MORF4L2: variants seen among roughly 807,000 people sequenced by gnomAD.
MORF4L2 encodes the protein mortality factor 4 like 2.
A neutral mutation model predicts 12.0 loss-of-function variants in MORF4L2; 1 was observed. The observed-to-expected ratio is 0.08, with a 90% CI of 0.03 to 0.40. The LOEUF (loss-of-function observed/expected upper bound fraction) is 0.40, where lower values mean the gene tolerates loss of function less well. MORF4L2 is among the 10% of genes least tolerant of loss of function. The pLI is 0.98. For synonymous variants in MORF4L2, 69 were observed against 81.6 expected (o/e 0.85, Z 0.83); for missense variants, 123 against 214.0 (o/e 0.57, Z 2.65).
At chrX:103,679,443 C>T (rs894911731) in intron 2 of MORF4L2, among the ~76,000 whole-genome samples, 2 of 108,172 alleles carry the variant, frequency 1.8e-5, no homozygotes, top group Admixed American at 2.0e-4. Context: ...CGCTTGAACC[C>T]GAGAGGCAGA....
intron 2 of MORF4L2, among the ~76,000 whole-genome samples, chrX:103,683,825 T>C (rs1003009945): frequency 1.8e-5 from 2 of 110,857 alleles, no homozygotes; most frequent in Non-Finnish European, 3.8e-5. Context: ...GGCTTTTTTT[T>C]CTCTATTTCT....
At chrX:103,687,316 G>A (rs1776315495), upstream of MORF4L2, 1 of 112,322 alleles carries the variant, frequency 8.9e-6, no homozygotes, top group African/African-American at 3.2e-5. Flanking sequence ...CGCAGTGGGG[G>A]TTCTGCTGTG....
At chrX:103,680,583 AC>A in intron 2 of MORF4L2, among the ~76,000 whole-genome samples, 1 of 112,602 alleles carries the variant, frequency 8.9e-6, no homozygotes, top group Non-Finnish European at 1.9e-5. Flanking sequence ...GTATCTGAAG[AC>A]TTCAGAGAAT....
chrX:103,685,676 T>TA (rs1191656739), intron 1 of MORF4L2, among the ~76,000 whole-genome samples: 1 of 107,306 alleles, frequency 9.3e-6, no homozygotes, highest in East Asian at 2.9e-4. Flanking sequence ...ATAGAAAAAT[T>TA]TAAACGTATA....
At chrX:103,686,301 T>TAA (rs2074106687) in intron 1 of MORF4L2, among the ~76,000 whole-genome samples, 1 of 111,918 alleles carries the variant, frequency 8.9e-6, no homozygotes, top group Non-Finnish European at 1.9e-5. Flanking sequence ...AATTAGCGAA[T>TAA]TTATATAATT....
chrX:103,676,688 C>A lies in MORF4L2; in HGVS notation c.340G>T (p.Ala114Ser). 7 of 1,209,311 alleles carry A rather than the reference C, an allele frequency of 5.8e-6. No individual in the cohort carries two copies. Among genetic ancestry groups the A allele is most frequent in the Non-Finnish European group, 7.8e-6 (7 of 895,037 alleles). Residue 114 changes from alanine to serine, a missense_variant, in exon 4 of 4, where the codon GCG (alanine) becomes TCG (serine). Physicochemically the swap from Ala to Ser is moderately conservative, Grantham distance 99 (BLOSUM62 1). Coordinates refer to ENST00000441076, the MANE Select transcript of MORF4L2 (RefSeq NM_012286.3). ...TTAACCTCCATTCTATTCTTAAACG[C>A]CTCCTCACTTTCAACAGTGGGGTCT... ...RADPTVESEE[A>S]FKNRMEVKVK...
chrX:103,676,488 A>G lies in MORF4L2; in HGVS notation c.540T>C (p.Asn180=), dbSNP rs1399351038. The change falls in exon 4 of 4, where the codon AAT becomes AAC. Residue 180 remains asparagine (N), a synonymous_variant. Coordinates refer to ENST00000441076, the MANE Select transcript of MORF4L2 (RefSeq NM_012286.3). ...GNVDNKEYAV[N]EVVAGIKEYF... ...ATTCTTTTATTCCTGCCACAACTTCATTAACCGCATATTCCTTATTATCAA... is the reference window on the plus strand; with the variant it reads ...ATTCTTTTATTCCTGCCACAACTTCGTTAACCGCATATTCCTTATTATCAA... The G allele has an allele frequency of 8.3e-7, 1 of 1,209,165 alleles. No homozygotes were observed. Among genetic ancestry groups the G allele is most frequent in the Non-Finnish European group, 1.1e-6 (1 of 894,973 alleles).
rs1473755879 is a variant in MORF4L2 at position 103,675,740 on chromosome X, C to T, written c.*421G>A. On this transcript the variant is annotated 3_prime_UTR_variant, in exon 4 of 4. Coordinates refer to ENST00000441076, the MANE Select transcript of MORF4L2 (RefSeq NM_012286.3). ...AGGATGGGCTGTTTTACTTCAAGCA[C>T]CATAAAAAAAAAAAAAGAGCACAAA... 1 of 42,902 alleles carries T rather than the reference C, an allele frequency of 2.3e-5. No homozygotes were observed. The highest frequency in any genetic ancestry group is 2.1e-4 in the African/African-American group (1 of 4,804). 3.5% of individuals were successfully genotyped at this position (42,902 alleles called of 1,213,427 possible). A position where few individuals can be genotyped will look rare whatever the true frequency, so the allele number is the denominator to read the frequency against.
intron 2 of MORF4L2, among the ~76,000 whole-genome samples, chrX:103,682,314 A>T (rs747427610): frequency 8.9e-6 from 1 of 112,206 alleles, no homozygotes; most frequent in South Asian, 3.7e-4. Flanking sequence ...AATGCACATC[A>T]GTGTATACAA....
chrX:103,687,178 T>C (rs1399418816), upstream of MORF4L2: 5 of 106,843 alleles, frequency 4.7e-5, no homozygotes, highest in African/African-American at 1.7e-4. Context: ...AGGAAGTGTC[T>C]ACGTGGCCTG....
intron 2 of MORF4L2, among the ~76,000 whole-genome samples, chrX:103,683,739 T>C (rs2074038997): frequency 8.9e-6 from 1 of 111,916 alleles, no homozygotes; most frequent in South Asian, 3.7e-4. Context: ...GACATATCAT[T>C]CAGACTGGGC....
upstream of MORF4L2, chrX:103,686,844 AG>A (rs1212068356): frequency 1.8e-5 from 2 of 112,095 alleles, no homozygotes; most frequent in Non-Finnish European, 3.8e-5. Context: ...CCCCCACGTC[AG>A]CAATGACACT....
At chrX:103,679,268 G>T (rs369948498) in intron 2 of MORF4L2, among the ~76,000 whole-genome samples, 5 of 106,664 alleles carry the variant, frequency 4.7e-5, no homozygotes, top group African/African-American at 1.7e-4. Flanking sequence ...CACTTCGGGA[G>T]GCCAAGGCAG....
chrX:103,680,610 A>G (rs1287564198), intron 2 of MORF4L2, among the ~76,000 whole-genome samples: 2 of 112,872 alleles, frequency 1.8e-5, no homozygotes, highest in Non-Finnish European at 1.9e-5. Context: ...ATACAGGTTG[A>G]GTATTCCTTA....
At chrX:103,680,495 C>T (rs2147680171) in intron 2 of MORF4L2, among the ~76,000 whole-genome samples, 1 of 112,637 alleles carries the variant, frequency 8.9e-6, no homozygotes, top group East Asian at 2.8e-4. Context: ...TGTATCATGG[C>T]ATTAAATTGT....
intron 2 of MORF4L2, among the ~76,000 whole-genome samples, chrX:103,683,059 T>C (rs1225129443): frequency 9.0e-6 from 1 of 111,309 alleles, no homozygotes; most frequent in Non-Finnish European, 1.9e-5. Context: ...CTCTTCTGAA[T>C]GATTTTTGAT....
upstream of MORF4L2, chrX:103,687,542 G>C (rs2074144943): frequency 8.9e-6 from 1 of 112,121 alleles, no homozygotes; most frequent in African/African-American, 3.2e-5. Flanking sequence ...GTGCAGGGAG[G>C]GGTTTGCTAC....
intron 1 of MORF4L2, chrX:103,685,465 G>GT (rs898337230): frequency 2.7e-5 from 3 of 111,730 alleles, no homozygotes; most frequent in African/African-American, 9.8e-5. Context: ...TGACAAATTT[G>GT]TTTTTTAACT....
chrX:103,680,510 T>C (rs2073964517), intron 2 of MORF4L2, among the ~76,000 whole-genome samples: 1 of 112,548 alleles, frequency 8.9e-6, no homozygotes, highest in Non-Finnish European at 1.9e-5. Context: ...AATTGTAAGC[T>C]ATCATGCTTC....
Sources: gnomAD v4.1 joint callset for allele counts (sites outside exome capture counted in the v4.1 genomes callset) on GRCh38, gnomAD v4.1.1 for gene constraint, MANE v1.5 for transcripts, NCBI Gene and HGNC (gene_info 2026-07-23, HGNC 2026-07-21) for gene names.